The following B9D1 variants were observed in gnomAD, a reference collection of about 807,000 sequenced individuals.
B9D1 encodes B9 domain containing 1.
In B9D1, 20 loss-of-function variants were observed where a neutral mutation model predicts 26.1. The observed-to-expected ratio is 0.77, with a 90% CI of 0.54 to 1.12. The LOEUF (loss-of-function observed/expected upper bound fraction) is 1.12. Among genes scored for constraint, B9D1 ranks in the 50% most tolerant of loss-of-function variants. B9D1 has a pLI of 0.00. For synonymous variants in B9D1, 105 were observed against 103.1 expected, an observed-to-expected ratio of 1.02 and a Z score of -0.11; for missense variants, 260 against 273.7, an observed-to-expected ratio of 0.95 and a Z score of 0.35.
chr17:19,340,950 T>TAAA (rs1167598409), downstream of B9D1: 1 of 257,686 alleles, frequency 3.9e-6, no homozygotes, highest in Non-Finnish European at 6.8e-6. Context: ...TGAAATGCAA[T>TAAA]AAAAATAGGA....
intron 3 of B9D1, among the ~76,000 whole-genome samples, chr17:19,350,802 A>G (rs1056828704): frequency 6.7e-6 from 1 of 150,116 alleles, no homozygotes; most frequent in Non-Finnish European, 1.5e-5. Context: ...GAATTTTACC[A>G]TGTGTTTTCT....
intron 6 of B9D1, 157 bp from the exon 7 acceptor site, chr17:19,343,618 G>A: frequency 6.4e-7 from 1 of 1,574,756 alleles, no homozygotes; most frequent in South Asian, 1.1e-5. Flanking sequence ...TGCCGGGACA[G>A]GCAGACATGA....
intron 3 of B9D1, among the ~76,000 whole-genome samples, chr17:19,352,583 A>G (rs1909769871): frequency 7.3e-6 from 1 of 137,476 alleles, no homozygotes; most frequent in Non-Finnish European, 1.5e-5. Flanking sequence ...GTGCAATGGC[A>G]TGATCTTGGC....
At chr17:19,338,204 T>C (rs1200104527), downstream of B9D1, among the ~76,000 whole-genome samples, 2 of 152,224 alleles carry the variant, frequency 1.3e-5, no homozygotes, top group African/African-American at 4.8e-5. Flanking sequence ...CCCACAGTGC[T>C]GGAAGCTGCC....
intron 1 of B9D1, chr17:19,377,735 G>T (rs1278790037): frequency 2.9e-6 from 2 of 693,976 alleles, no homozygotes; most frequent in Admixed American, 6.3e-5. Context: ...CTCGGTTCCA[G>T]CGAGGGCTCC....
chr17:19,350,480 T>C (rs1288978558), intron 3 of B9D1, among the ~76,000 whole-genome samples: 3 of 151,696 alleles, frequency 2.0e-5, no homozygotes, highest in Non-Finnish European at 4.4e-5. Context: ...GAGGCAGAGG[T>C]TGCAGTGAGC....
Position 19,347,873 on chromosome 17 carries a change from C to T in B9D1, c.252G>A (p.Gln84=). 6.2e-7 allele frequency: 1 copy of T among 1,614,134 alleles called. No individual in the cohort carries two copies. The highest frequency in any genetic ancestry group is 1.1e-5 in the South Asian group (1 of 91,076). Residue 84 remains glutamine (Q), a synonymous_variant, in exon 4 of 7, where the codon CAG becomes CAA. Coordinates refer to ENST00000261499, the MANE Select transcript of B9D1 (RefSeq NM_015681.6). This position sits in a 1 kb window ranked among gnomAD's most constrained non-coding sequence, Gnocchi z 4.3. ...FKSTNPYGWP[Q]IVLSVYGPDV... is the part of the protein sequence containing the mutation. ...CTGGTCCATACACGCTGAGCACGAT[C>T]TGTGGCCCTTGGGAAGGACAAGGCA...
At chr17:19,371,944 T>C (rs1350761017) in intron 1 of B9D1, among the ~76,000 whole-genome samples, 1 of 152,178 alleles carries the variant, frequency 6.6e-6, no homozygotes, top group East Asian at 1.9e-4. Context: ...TACTTGTGGC[T>C]GCTGGCACTA....
chr17:19,376,777 A>G (rs1224054831), intron 1 of B9D1, among the ~76,000 whole-genome samples: 1 of 147,650 alleles, frequency 6.8e-6, no homozygotes, highest in East Asian at 2.0e-4. Context: ...ACAGAGTGAG[A>G]CTCACTCTTC....
downstream of B9D1, chr17:19,335,438 T>C (rs1907365045): frequency 1.8e-5 from 28 of 1,550,192 alleles, no homozygotes; most frequent in Non-Finnish European, 2.4e-5. Context: ...CTGTTTACAA[T>C]GGAAATCTGA....
rs747367789 is a variant in B9D1 at position 19,359,783 on chromosome 17, A to C, written c.132+537T>G. Among the ~76,000 whole-genome samples, 23 of 152,238 alleles carry C rather than the reference A, an allele frequency of 1.5e-4. No homozygotes were observed. Among genetic ancestry groups the C allele is most frequent in the Non-Finnish European group, 3.2e-4 (22 of 68,044 alleles). ...TACAAATGAGGAAACTGAGGCTCAG[A>C]GAGCTTAAATAAGTTCAGTCTCCTT... is the stretch of plus-strand genomic sequence containing the variant. On this transcript the variant is annotated intron_variant, in intron 2 of 6. Coordinates refer to ENST00000261499, the MANE Select transcript of B9D1 (RefSeq NM_015681.6). This position sits in a 1 kb window ranked among gnomAD's most constrained non-coding sequence, Gnocchi z 5.0.
intron 1 of B9D1, among the ~76,000 whole-genome samples, chr17:19,367,974 C>T (rs531454045): frequency 6.6e-6 from 1 of 152,264 alleles, no homozygotes. Flanking sequence ...CTTTGGGGAG[C>T]ACTCTGGGGG....
upstream of B9D1, among the ~76,000 whole-genome samples, chr17:19,367,261 TTG>T (rs1911643924): frequency 2.6e-5 from 4 of 152,220 alleles, no homozygotes; most frequent in South Asian, 6.2e-4. Flanking sequence ...CTCAACAATG[TTG>T]TGTGTTTATT....
chr17:19,337,796 C>T (rs922481963), downstream of B9D1: 3 of 1,431,574 alleles, frequency 2.1e-6, no homozygotes, highest in South Asian at 2.4e-5. Flanking sequence ...TTCTTACAGC[C>T]AGGCCTGGAA....
chr17:19,357,009 C>T (rs1910444687), intron 3 of B9D1, among the ~76,000 whole-genome samples: 1 of 152,228 alleles, frequency 6.6e-6, no homozygotes, highest in African/African-American at 2.4e-5. Flanking sequence ...CCCTCCACAC[C>T]GTGGTAAGCC....
chr17:19,339,664 T>C (rs566646087), downstream of B9D1, among the ~76,000 whole-genome samples: 56 of 152,302 alleles, frequency 3.7e-4, no homozygotes, highest in African/African-American at 1.2e-3. Context: ...CTAATGGAGA[T>C]GTTCCTGGCA....
chr17:19,343,765 G>A lies in B9D1; in HGVS notation c.472+25C>T, dbSNP rs1257339956. Reference sequence around the variant, plus strand: ...GGCTGTAACCTGTATGGGGGATGGGGGTAAGAGAGGGGAGGGAGCTTTACC... The same window carrying A: ...GGCTGTAACCTGTATGGGGGATGGGAGTAAGAGAGGGGAGGGAGCTTTACC... On this transcript the variant is annotated intron_variant, in intron 6 of 6. Transcript: ENST00000261499. 2.5e-6 allele frequency: 4 copies of A among 1,613,170 alleles called. No individual in the cohort carries two copies. The South Asian group carries it at 4.4e-5, about 18-fold the overall frequency.
At chr17:19,337,413 A>G (rs1228342780), downstream of B9D1, 3 of 308,334 alleles carry the variant, frequency 9.7e-6, no homozygotes, top group Non-Finnish European at 1.8e-5. Context: ...GAAGGGTTGG[A>G]GAGGCCTTGA....
At chr17:19,341,434 C>T (rs1907951101), downstream of B9D1, 5 of 738,082 alleles carry the variant, frequency 6.8e-6, no homozygotes, top group African/African-American at 1.8e-5. Flanking sequence ...TGAAGGAGCC[C>T]GTGTAGGAAA....
Sources: gnomAD v4.1 joint callset for allele counts (sites outside exome capture counted in the v4.1 genomes callset) on GRCh38, gnomAD v4.1.1 for gene constraint, Gnocchi (gnomAD v3.1) non-coding constraint, MANE v1.5 for transcripts, NCBI Gene and HGNC (gene_info 2026-07-23, HGNC 2026-07-21) for gene names.